Variants in JPH1 observed in about 807,000 individuals in gnomAD.
The protein encoded by JPH1 is junctophilin-1.
Under a neutral mutation model 53.6 loss-of-function variants are expected in JPH1, and 12 were observed. That is an observed-to-expected ratio of 0.22 (90% CI 0.14 to 0.36). The LOEUF (loss-of-function observed/expected upper bound fraction) is 0.36, where lower values mean the gene tolerates loss of function less well. Ranked by LOEUF, JPH1 falls within the 10% of genes least tolerant of loss-of-function variation. The pLI, the probability that JPH1 is intolerant of heterozygous loss-of-function variation, is 1.00. For missense variants in JPH1, 808 were observed against 905.5 expected, an observed-to-expected ratio of 0.89 and a Z score of 1.38; for synonymous variants, 375 against 363.8, an observed-to-expected ratio of 1.03 and a Z score of -0.35.
At chr8:74,311,406 T>C (rs1807989791) in intron 2 of JPH1, among the ~76,000 whole-genome samples, 5 of 152,132 alleles carry the variant, frequency 3.3e-5, no homozygotes, top group Admixed American at 2.6e-4. Context: ...ATTGTGTAGA[T>C]ATTCTGGCAT....
intron 2 of JPH1, among the ~76,000 whole-genome samples, chr8:74,310,872 G>A (rs1807974855): frequency 6.6e-6 from 1 of 152,178 alleles, no homozygotes; most frequent in Non-Finnish European, 1.5e-5. Context: ...TAAAGCATAA[G>A]AAATAACACA....
chr8:74,244,096 G>A (rs1398850985), intron 4 of JPH1, among the ~76,000 whole-genome samples: 1 of 152,352 alleles, frequency 6.6e-6, no homozygotes, highest in Middle Eastern at 3.4e-3. Context: ...GATGCTGACC[G>A]CTGTGGTGAA....
At chr8:74,241,809 A>G (rs1200132427) in intron 4 of JPH1, among the ~76,000 whole-genome samples, 1 of 152,228 alleles carries the variant, frequency 6.6e-6, no homozygotes, top group Non-Finnish European at 1.5e-5. Flanking sequence ...TGAACCTCAA[A>G]ACAAACTTGG....
At chr8:74,264,884 G>T (rs1806488538) in intron 2 of JPH1, among the ~76,000 whole-genome samples, 1 of 152,120 alleles carries the variant, frequency 6.6e-6, no homozygotes, top group Admixed American at 6.6e-5. Context: ...TCTGGTGCCA[G>T]GAAAAATGTG....
In JPH1 at chr8:74,296,019, G is replaced by GACACGCACAC. The variant is rs1554540693; in HGVS notation, c.1139+18841_1139+18842insGTGTGCGTGT. Reference sequence around the variant, plus strand: ...CCTGGTATGTAGCAATCTCAGTAAGGACACACACACACACACACACACACA... The same window carrying GACACGCACAC: ...CCTGGTATGTAGCAATCTCAGTAAGGACACGCACACACACACACACACACACACACACACA... On this transcript the variant is annotated intron_variant, in intron 2 of 5. Coordinates refer to ENST00000342232, the MANE Select transcript of JPH1 (RefSeq NM_020647.4). 2.9e-5 allele frequency among the ~76,000 whole-genome samples: 4 copies of GACACGCACAC among 136,594 alleles called. No individual in the cohort carries two copies. The East Asian group carries it at 6.3e-4, about 22-fold the overall frequency. 89.6% of individuals were successfully genotyped at this position (136,594 alleles called of 152,430 possible).
chr8:74,256,862 G>A (rs1167518081), intron 3 of JPH1, among the ~76,000 whole-genome samples: 1 of 152,224 alleles, frequency 6.6e-6, no homozygotes, highest in East Asian at 1.9e-4. Flanking sequence ...TGCCATGGAA[G>A]CGTTCAACAT....
chr8:74,242,606 CTG>C (rs1168365615), intron 4 of JPH1, among the ~76,000 whole-genome samples: 2 of 152,252 alleles, frequency 1.3e-5, no homozygotes, highest in East Asian at 3.8e-4. Flanking sequence ...TTTATGATGA[CTG>C]TGCCACTTCC....
intron 4 of JPH1, among the ~76,000 whole-genome samples, chr8:74,242,055 G>C (rs1277275578): frequency 6.6e-6 from 1 of 152,124 alleles, no homozygotes; most frequent in Non-Finnish European, 1.5e-5. Flanking sequence ...GGTCACAAAA[G>C]TTTCTTGAGG....
intron 3 of JPH1, among the ~76,000 whole-genome samples, chr8:74,246,957 C>G (rs1805878019): frequency 6.6e-6 from 1 of 152,164 alleles, no homozygotes; most frequent in African/African-American, 2.4e-5. Context: ...GCAGCAACTG[C>G]AAGCATTCAA....
intron 2 of JPH1, among the ~76,000 whole-genome samples, chr8:74,283,936 T>G (rs565348633): frequency 6.6e-6 from 1 of 152,104 alleles, no homozygotes; most frequent in Non-Finnish European, 1.5e-5. Flanking sequence ...CAAGTAGCGC[T>G]TGGATGGGAT....
At chr8:74,313,846 TTAAA>T (rs1754028249) in intron 2 of JPH1, among the ~76,000 whole-genome samples, 1 of 152,228 alleles carries the variant, frequency 6.6e-6, no homozygotes, top group Admixed American at 6.5e-5. Flanking sequence ...CAGTACTCAC[TTAAA>T]TAAGACTAAA....
chr8:74,276,991 C>T (rs1806867668), intron 2 of JPH1, among the ~76,000 whole-genome samples: 1 of 152,196 alleles, frequency 6.6e-6, no homozygotes, highest in South Asian at 2.1e-4. Flanking sequence ...GTTAGCTACA[C>T]TAGTTTTTCA....
In JPH1 at chr8:74,297,491, C is replaced by T. The variant is rs569109462; in HGVS notation, c.1139+17370G>A. ...TCTCAAGCTGCATCCAAGTGTGCTT[C>T]GCGGGACTCTTAACTCACTCACTGT... On this transcript the variant is annotated intron_variant, in intron 2 of 5. Coordinates refer to ENST00000342232, the MANE Select transcript of JPH1 (RefSeq NM_020647.4). 1.4e-4 allele frequency among the ~76,000 whole-genome samples: 21 copies of T among 152,304 alleles called. 1 individual carries two copies. The South Asian group carries it at 4.1e-3, about 30-fold the overall frequency.
intron 2 of JPH1, among the ~76,000 whole-genome samples, chr8:74,278,650 C>T (rs1444385021): frequency 6.6e-6 from 1 of 152,108 alleles, no homozygotes; most frequent in Non-Finnish European, 1.5e-5. Context: ...GGTGATTGAC[C>T]CGGACTAATG....
chr8:74,237,691 C>T (rs1487723773), intron 4 of JPH1, among the ~76,000 whole-genome samples: 2 of 152,200 alleles, frequency 1.3e-5, no homozygotes, highest in African/African-American at 4.8e-5. Context: ...GCTTCCTCCA[C>T]AGGGCAGTTA....
intron 2 of JPH1, among the ~76,000 whole-genome samples, chr8:74,262,961 G>T (rs1479802393): frequency 6.6e-6 from 1 of 152,188 alleles, no homozygotes; most frequent in Non-Finnish European, 1.5e-5. Context: ...GAGTATCTGA[G>T]GTTTTCTTTT....
chr8:74,265,431 A>G (rs1399529924), intron 2 of JPH1, among the ~76,000 whole-genome samples: 2 of 152,198 alleles, frequency 1.3e-5, no homozygotes, highest in African/African-American at 4.8e-5. Context: ...TCAAAGGCAC[A>G]TTTCTAATCC....
chr8:74,306,455 A>C (rs181803859), intron 2 of JPH1, among the ~76,000 whole-genome samples: 2 of 152,348 alleles, frequency 1.3e-5, no homozygotes, highest in Admixed American at 6.5e-5. Context: ...AAAGAAGAGA[A>C]ACATATTTGA....
rs549845511 is a variant in JPH1, at chr8:74,276,192, G to GGGAGCT, written c.1140-16695_1140-16690dup. ...ATGGACACATAAAACCATAGGTGTT[G>GGGAGCT]GGAGCTGGAAAAAAGGGGCACAGGT... is the stretch of plus-strand genomic sequence containing the variant. On this transcript the variant is annotated intron_variant, in intron 2 of 5. Coordinates refer to ENST00000342232, the MANE Select transcript of JPH1 (RefSeq NM_020647.4). Among the ~76,000 whole-genome samples the GGGAGCT allele has an allele frequency of 1.7e-4, 26 of 152,228 alleles. No homozygotes were observed. In the East Asian group the frequency reaches 4.6e-3, roughly 27 times the overall value.
Sources: allele counts gnomAD v4.1 joint callset (sites outside exome capture counted in the v4.1 genomes callset), GRCh38; gene constraint gnomAD v4.1.1; transcripts MANE v1.5; gene names NCBI Gene and HGNC (gene_info 2026-07-23, HGNC 2026-07-21).